XRRA1: variants seen among roughly 807,000 people sequenced by gnomAD.
XRRA1 encodes X-ray radiation resistance associated 1, also known as X-ray radiation resistance-associated protein 1.
Under a neutral mutation model 80.2 loss-of-function variants are expected in XRRA1, and 69 were observed. The observed-to-expected ratio is 0.86, with a 90% CI of 0.71 to 1.05. The LOEUF (loss-of-function observed/expected upper bound fraction) is 1.05, where lower values mean the gene tolerates loss of function less well. Among genes scored for constraint, XRRA1 ranks in the 50% least tolerant of loss-of-function variants. The probability of loss-of-function intolerance (pLI) is 0.00; values close to 1 mark genes in which losing one functional copy is unlikely to be tolerated. For synonymous variants in XRRA1, 348 were observed against 389.9 expected (o/e 0.89, Z 1.27); for missense variants, 967 against 976.4 (o/e 0.99, Z 0.13).
intron 10 of XRRA1, among the ~76,000 whole-genome samples, chr11:74,874,584 TTAAC>T (rs764486915): frequency 2.8e-4 from 42 of 152,316 alleles, no homozygotes; most frequent in Non-Finnish European, 5.9e-4. Flanking sequence ...GGGAAATAGC[TTAAC>T]TGTTTATACC....
intron 10 of XRRA1, among the ~76,000 whole-genome samples, chr11:74,892,286 C>T (rs1025314864): frequency 6.6e-6 from 1 of 152,048 alleles, no homozygotes; most frequent in Non-Finnish European, 1.5e-5. Flanking sequence ...ACAAACCTGA[C>T]AAAAACAAGA....
chr11:74,869,038 A>C (rs1271842312), intron 10 of XRRA1, among the ~76,000 whole-genome samples: 2 of 152,166 alleles, frequency 1.3e-5, no homozygotes, highest in Non-Finnish European at 2.9e-5. Flanking sequence ...AAAACAACAG[A>C]ATATACATTC....
At chr11:74,856,275 T>TA (rs1212397526) in intron 12 of XRRA1, among the ~76,000 whole-genome samples, 1 of 152,212 alleles carries the variant, frequency 6.6e-6, no homozygotes, top group Admixed American at 6.5e-5. Context: ...CACATTCTGG[T>TA]AATAGATATG....
chr11:74,940,940 C>T, intron 2 of XRRA1, 58 bp from the exon 3 acceptor site: 1 of 1,336,890 alleles, frequency 7.5e-7, no homozygotes, highest in African/African-American at 1.4e-5. Context: ...CAGCAGAGCA[C>T]TCTTACTCCA....
intron 10 of XRRA1, among the ~76,000 whole-genome samples, chr11:74,893,265 A>T (rs959335393): frequency 6.6e-5 from 10 of 152,246 alleles, no homozygotes; most frequent in Admixed American, 1.3e-4. Flanking sequence ...AGGGACATGT[A>T]TGAAGCTGGA....
In XRRA1 at chr11:74,841,715, T is replaced by C. The variant is rs1233958856; in HGVS notation, c.*1485A>G. The C allele has an allele frequency of 1.3e-5, 2 of 152,230 alleles. No homozygotes were observed. The highest frequency in any genetic ancestry group is 2.9e-5 in the Non-Finnish European group (2 of 68,038). 9.4% of individuals were successfully genotyped at this position (152,230 alleles called of 1,614,324 possible). On this transcript the variant is annotated 3_prime_UTR_variant, in exon 19 of 19. Transcript: ENST00000684022. Reference sequence around the variant, plus strand: ...TTTGAAGCCAAGGCAAAGCAAGGTTTGTTCATCTTCCTTTCCTGTCATTTA... The same window carrying C: ...TTTGAAGCCAAGGCAAAGCAAGGTTCGTTCATCTTCCTTTCCTGTCATTTA...
At chr11:74,936,186 C>T (rs1160303071) in intron 4 of XRRA1, among the ~76,000 whole-genome samples, 1 of 152,242 alleles carries the variant, frequency 6.6e-6, no homozygotes, top group Non-Finnish European at 1.5e-5. Context: ...CAAAATGCAT[C>T]CTTCTTAGCA....
chr11:74,934,009 TCATTCATTATTCATC>T, intron 4 of XRRA1, 137 bp from the exon 5 acceptor site: 1 of 770,290 alleles, frequency 1.3e-6, no homozygotes, highest in Non-Finnish European at 2.1e-6. Context: ...ATTCATTCAT[TCATTCATTATTCATC>T]CATTCATTCG....
chr11:74,859,392 G>C (rs2041848679), intron 11 of XRRA1, 109 bp from the exon 12 acceptor site: 1 of 1,278,432 alleles, frequency 7.8e-7, no homozygotes, highest in Non-Finnish European at 1.1e-6. Context: ...CCTTCCTAGA[G>C]AGACTTGGCC....
rs1240986219 is a variant in XRRA1 at position 74,906,987 on chromosome 11, C to T, written c.785+158G>A. ...GGCCATTTTTATGGAGGAGCCAAAG[C>T]TCAGAGGGGAGAAATGACTTACCCA... On this transcript the variant is annotated intron_variant, in intron 9 of 18. Coordinates refer to ENST00000684022, the MANE Select transcript of XRRA1 (RefSeq NM_001378157.1). 6 of 966,412 alleles carry T rather than the reference C, an allele frequency of 6.2e-6. No individual in the cohort carries two copies. The East Asian group carries it at 1.2e-4, about 20-fold the overall frequency. 59.9% of individuals were successfully genotyped at this position (966,412 alleles called of 1,614,324 possible). A position where few individuals can be genotyped will look rare whatever the true frequency, so the allele number is the denominator to read the frequency against.
intron 10 of XRRA1, 97 bp downstream of exon 10, chr11:74,906,142 G>A (rs992441301): frequency 1.4e-5 from 16 of 1,149,148 alleles, no homozygotes; most frequent in Admixed American, 2.5e-5. Flanking sequence ...TTCAATTCGT[G>A]ATATTCACCA....
intron 10 of XRRA1, among the ~76,000 whole-genome samples, chr11:74,866,277 A>T (rs1313582018): frequency 6.6e-6 from 1 of 152,040 alleles, no homozygotes; most frequent in Non-Finnish European, 1.5e-5. Flanking sequence ...TTTTGGAGAC[A>T]GGCTCTCATT....
At chr11:74,866,425 TTTA>T (rs2043424624) in intron 10 of XRRA1, among the ~76,000 whole-genome samples, 1 of 151,826 alleles carries the variant, frequency 6.6e-6, no homozygotes, top group Non-Finnish European at 1.5e-5. Flanking sequence ...GGTTAATGTT[TTTA>T]TTTTTTTGTA....
At chr11:74,857,979 C>T (rs1044874436) in intron 12 of XRRA1, among the ~76,000 whole-genome samples, 3 of 152,112 alleles carry the variant, frequency 2.0e-5, no homozygotes, top group African/African-American at 7.2e-5. Context: ...AAATGTAAAG[C>T]TTTACATGCT....
rs1199612008 is a variant in XRRA1, at chr11:74,843,303, A to G, written c.2300T>C (p.Met767Thr). ...RTVFGTTPLP[M>T]ACPALSESQP... ...GCTCTCACTCAGCGCTGGGCAGGCC[A>G]TGGGGAGCGGGGTAGTCCCGAACAC... is the stretch of plus-strand genomic sequence containing the variant. Residue 767 changes from methionine to threonine, a missense_variant, in exon 19 of 19, where the codon ATG becomes ACG. Met to Thr is a moderately conservative substitution (Grantham distance 81). Coordinates refer to ENST00000684022, the MANE Select transcript of XRRA1 (RefSeq NM_001378157.1). 2.5e-6 allele frequency: 4 copies of G among 1,602,036 alleles called. No homozygotes were observed. The highest frequency in any genetic ancestry group is 1.7e-6 in the Non-Finnish European group (2 of 1,174,630).
At chr11:74,867,159 GGCAAATCAAAAA>G (rs772872325) in intron 10 of XRRA1, among the ~76,000 whole-genome samples, 7 of 152,096 alleles carry the variant, frequency 4.6e-5, no homozygotes, top group Non-Finnish European at 7.4e-5. Flanking sequence ...CAAGAACTCT[GGCAAATCAAAAA>G]GCCAGAGTGT....
chr11:74,942,501 G>C (rs560867089), intron 2 of XRRA1, among the ~76,000 whole-genome samples: 80 of 152,340 alleles, frequency 5.3e-4, no homozygotes, highest in African/African-American at 1.9e-3. Flanking sequence ...TGAGCAAGGT[G>C]CCTGAGGAAC....
At chr11:74,948,858 C>T (rs1948203438) in intron 1 of XRRA1, 70 bp downstream of exon 1, 1 of 166,148 alleles carries the variant, frequency 6.0e-6, no homozygotes, top group South Asian at 1.3e-4. Context: ...AAGCTCCTGC[C>T]CACTCCTTTG....
chr11:74,863,795 A>C (rs2042815748), intron 10 of XRRA1: 1 of 152,220 alleles, frequency 6.6e-6, no homozygotes, highest in East Asian at 1.9e-4. Context: ...TGGCATAAAT[A>C]ACTTCTCCTG....
Sources: allele counts gnomAD v4.1 joint callset (sites outside exome capture counted in the v4.1 genomes callset), GRCh38; gene constraint gnomAD v4.1.1; transcripts MANE v1.5; gene names NCBI Gene and HGNC (gene_info 2026-07-23, HGNC 2026-07-21).